The following WASHC5 variants were observed in gnomAD, a reference collection of about 807,000 sequenced individuals.
WASHC5 encodes WASH complex subunit 5.
Under a neutral mutation model 150.4 loss-of-function variants are expected in WASHC5, and 101 were observed. The observed-to-expected ratio is 0.67, with a 90% confidence interval of 0.57 to 0.79. The LOEUF is 0.79. Ranked by LOEUF, WASHC5 falls within the 30% of genes least tolerant of loss-of-function variation. The probability of loss-of-function intolerance (pLI) is 0.00; values close to 1 mark genes in which losing one functional copy is unlikely to be tolerated. For synonymous variants in WASHC5, 467 were observed against 491.2 expected (o/e 0.95, Z 0.65); for missense variants, 1,195 against 1,396.3 (o/e 0.86, Z 2.30).
intron 28 of WASHC5, among the ~76,000 whole-genome samples, chr8:125,027,334 T>C (rs1815403042): frequency 6.6e-6 from 1 of 152,228 alleles, no homozygotes; most frequent in African/African-American, 2.4e-5. Context: ...TTTACAGCAG[T>C]ACAATTTACA....
intron 9 of WASHC5, among the ~76,000 whole-genome samples, chr8:125,072,373 T>C: frequency 7.3e-6 from 1 of 136,306 alleles, no homozygotes; most frequent in Non-Finnish European, 1.6e-5. Flanking sequence ...GGCGGGCTCT[T>C]ATTTTATTAT....
chr8:125,091,086 T>C (rs1174044835), intron 1 of WASHC5, among the ~76,000 whole-genome samples: 1 of 151,684 alleles, frequency 6.6e-6, no homozygotes, highest in East Asian at 1.9e-4. Context: ...TCCTGTCCGA[T>C]CATAATCCTG....
chr8:125,039,668 A>G (rs988260527), intron 24 of WASHC5, 127 bp downstream of exon 24: 3 of 707,550 alleles, frequency 4.2e-6, no homozygotes, highest in East Asian at 2.7e-5. Context: ...ATCCGTGGCA[A>G]GGAAGCCTGT....
intron 20 of WASHC5, among the ~76,000 whole-genome samples, chr8:125,045,638 G>A (rs1324845020): frequency 1.3e-5 from 2 of 152,164 alleles, no homozygotes; most frequent in Admixed American, 6.5e-5. Flanking sequence ...AGAAGGAGGC[G>A]TGAGAAGGGG....
At chr8:125,037,947 A>C (rs1306499432) in intron 25 of WASHC5, among the ~76,000 whole-genome samples, 1 of 152,202 alleles carries the variant, frequency 6.6e-6, no homozygotes, top group Non-Finnish European at 1.5e-5. Context: ...GAGACAGGGT[A>C]GCACACGGGT....
intron 6 of WASHC5, 86 bp from the exon 7 acceptor site, chr8:125,076,586 C>A: frequency 6.6e-7 from 1 of 1,515,064 alleles, no homozygotes; most frequent in Non-Finnish European, 9.1e-7. Flanking sequence ...GGTTGTAAGA[C>A]ACATCAGTTT....
At chr8:125,058,111 G>A (rs1284813722) in intron 14 of WASHC5, among the ~76,000 whole-genome samples, 1 of 151,468 alleles carries the variant, frequency 6.6e-6, no homozygotes, top group Non-Finnish European at 1.5e-5. Flanking sequence ...TACCGAATCT[G>A]TCCAATCTAA....
chr8:125,030,127 AAAAG>A (rs1005146358), intron 27 of WASHC5, among the ~76,000 whole-genome samples: 6 of 152,194 alleles, frequency 3.9e-5, no homozygotes, highest in Admixed American at 6.5e-5. Flanking sequence ...CCATTAGTGA[AAAAG>A]AAAGAGAGGA....
chr8:125,090,651 C>A (rs972388153), intron 1 of WASHC5, among the ~76,000 whole-genome samples: 1 of 152,198 alleles, frequency 6.6e-6, no homozygotes, highest in Non-Finnish European at 1.5e-5. Flanking sequence ...AAGAATAAGG[C>A]ATGACATCCT....
Position 125,078,803 on chromosome 8 carries a change from G to T in WASHC5, c.646C>A (p.Pro216Thr). The change falls in exon 6 of 29, where the codon CCT becomes ACT. Residue 216 changes from proline (P) to threonine (T), a missense_variant. Pro to Thr is a conservative substitution (Grantham distance 38). Coordinates refer to ENST00000318410, the MANE Select transcript of WASHC5 (RefSeq NM_014846.4). Reference protein sequence around the residue: ...NYPESYFQRVPINESFISMVI... With the variant: ...NYPESYFQRVTINESFISMVI... ...ATACTGATGAAGGATTCGTTGATAG[G>T]CACTCTCTGGAAATAGCTCTCGGGA... 6.2e-7 allele frequency: 1 copy of T among 1,613,788 alleles called. No homozygotes were observed. The highest frequency in any genetic ancestry group is 8.5e-7 in the Non-Finnish European group (1 of 1,179,820).
chr8:125,056,728 G>A lies in WASHC5; in HGVS notation c.1965C>T (p.Arg655=), dbSNP rs556487107. ...AGTCCCTCAGCTTGTCTTTGTCCAG[G>A]CGGGTAGGCACTTCAATAATGTCGT... ...QTHDIIEVPT[R]LDKDKLRDYA... The change falls in exon 16 of 29, where the codon CGC becomes CGT. Residue 655 remains arginine (R), a synonymous_variant. Transcript: ENST00000318410. 3.1e-6 allele frequency: 5 copies of A among 1,614,150 alleles called. No individual in the cohort carries two copies. The highest frequency in any genetic ancestry group is 2.7e-5 in the African/African-American group (2 of 75,024).
chr8:125,024,599 A>C lies in WASHC5; in HGVS notation c.*18T>G, dbSNP rs1326998671. 6.3e-7 allele frequency: 1 copy of C among 1,580,346 alleles called. No homozygotes were observed. ...AGATCTAAGGACAATCCTTCCATTG[A>C]AGAAGTAGGAAAAACAGTTACAGCA... On this transcript the variant is annotated 3_prime_UTR_variant, in exon 29 of 29. Coordinates refer to ENST00000318410, the MANE Select transcript of WASHC5 (RefSeq NM_014846.4).
At chr8:125,054,199 T>C (rs925328878) in intron 17 of WASHC5, among the ~76,000 whole-genome samples, 2 of 152,122 alleles carry the variant, frequency 1.3e-5, no homozygotes, top group Admixed American at 1.3e-4. Context: ...AGCTGGATGG[T>C]TAAGAAAAAT....
At chr8:125,072,282 T>C (rs1327561283) in intron 9 of WASHC5, among the ~76,000 whole-genome samples, 1 of 132,648 alleles carries the variant, frequency 7.5e-6, no homozygotes, top group African/African-American at 2.9e-5. Flanking sequence ...GAGGTCTGAG[T>C]GAGCTGAGAT....
In WASHC5 at chr8:125,043,446, C is replaced by A. The variant is rs189431232; in HGVS notation, c.2850+379G>T. 2.0e-4 allele frequency among the ~76,000 whole-genome samples: 31 copies of A among 152,280 alleles called. No homozygotes were observed. In the East Asian group the frequency reaches 4.8e-3, roughly 24 times the overall value. ...ATGCAGACACAAGAGGGCAGAGAGA[C>A]AATGTTCTGTTCTAACAGCAGCTTG... is the stretch of plus-strand genomic sequence containing the variant. On this transcript the variant is annotated intron_variant, in intron 23 of 28. Transcript: ENST00000318410.
intron 1 of WASHC5, among the ~76,000 whole-genome samples, chr8:125,086,629 C>T (rs1290739775): frequency 6.6e-6 from 1 of 152,212 alleles, no homozygotes; most frequent in East Asian, 1.9e-4. Context: ...GGACCCAACT[C>T]AGCTCATAAC....
chr8:125,024,374 C>A lies in WASHC5; in HGVS notation c.*243G>T. On this transcript the variant is annotated 3_prime_UTR_variant, in exon 29 of 29. Coordinates refer to ENST00000318410, the MANE Select transcript of WASHC5 (RefSeq NM_014846.4). Reference sequence around the variant, plus strand: ...AGTTACATTCAGCATTTAAGAGAGGCAGTACAAAAATGTGTTCTGCTTTTA... The same window carrying A: ...AGTTACATTCAGCATTTAAGAGAGGAAGTACAAAAATGTGTTCTGCTTTTA... 1 of 562,108 alleles carries A rather than the reference C, an allele frequency of 1.8e-6. No individual in the cohort carries two copies. Among genetic ancestry groups the A allele is most frequent in the South Asian group, 2.1e-5 (1 of 47,136 alleles). The allele number at this position is 562,108 out of a possible 1,614,324, so 34.8% of individuals were successfully genotyped here. A position where few individuals can be genotyped will look rare whatever the true frequency, so the allele number is the denominator to read the frequency against.
At chr8:125,029,114 C>A (rs1326173963) in intron 27 of WASHC5, among the ~76,000 whole-genome samples, 2 of 151,418 alleles carry the variant, frequency 1.3e-5, no homozygotes, top group Non-Finnish European at 2.9e-5. Context: ...TCACTGCAAC[C>A]TCCGCCTCCC....
rs1816519885 is a variant in WASHC5, at chr8:125,059,447, G to A, written c.1617C>T (p.Asn539=). 1 of 1,613,956 alleles carries A rather than the reference G, an allele frequency of 6.2e-7. No homozygotes were observed. ...TTGTGATCAGAACCTCCTCTTTAATGTTAATGGTTCTGATCATTTGATGAA... is the reference window on the plus strand; with the variant it reads ...TTGTGATCAGAACCTCCTCTTTAATATTAATGGTTCTGATCATTTGATGAA... ...KFLHQMIRTI[N]IKEEVLITMQ... The change falls in exon 13 of 29, where the codon AAC becomes AAT. Residue 539 remains asparagine (N), a synonymous_variant. Coordinates refer to ENST00000318410, the MANE Select transcript of WASHC5 (RefSeq NM_014846.4).
Sources: allele counts gnomAD v4.1 joint callset (sites outside exome capture counted in the v4.1 genomes callset), GRCh38; gene constraint gnomAD v4.1.1; transcripts MANE v1.5; gene names NCBI Gene and HGNC (gene_info 2026-07-23, HGNC 2026-07-21).